RC3H2: variants seen among roughly 807,000 people sequenced by gnomAD.
RC3H2 encodes ring finger and CCCH-type domains 2, also known as roquin-2.
RC3H2 carries 31 observed loss-of-function variants against 133.3 expected under a neutral mutation model. That is an observed-to-expected ratio of 0.23 (90% confidence interval 0.17 to 0.31). The LOEUF is 0.31. RC3H2 is among the 10% of genes least tolerant of loss of function. The pLI is 1.00. For synonymous variants in RC3H2, 517 were observed against 502.2 expected (o/e 1.03, Z -0.40); for missense variants, 1,175 against 1,437.2 (o/e 0.82, Z 2.95).
rs1320456995 is a variant in RC3H2 at position 122,847,144 on chromosome 9, T to C, written c.*2483A>G. ...CCAATAAGGTTGGCAGGTATATACA[T>C]ATACTGATGCAAATGTAATTTCACT... On this transcript the variant is annotated 3_prime_UTR_variant, in exon 21 of 21. Transcript: ENST00000357244. 6.6e-6 allele frequency: 1 copy of C among 152,136 alleles called. No homozygotes were observed. The highest frequency in any genetic ancestry group is 1.5e-5 in the Non-Finnish European group (1 of 67,994). The allele number at this position is 152,136 out of a possible 1,614,324, so 9.4% of individuals were successfully genotyped here.
At chr9:122,850,457 T>TAGATAGATAGATAGATA (rs936312290) in intron 20 of RC3H2, among the ~76,000 whole-genome samples, 7 of 151,980 alleles carry the variant, frequency 4.6e-5, no homozygotes, top group Admixed American at 1.3e-4. Context: ...GATAGATAGA[T>TAGATAGATAGATAGATA]AATTTTGAGA....
chr9:122,869,771 T>C (rs1010943769), intron 9 of RC3H2, among the ~76,000 whole-genome samples: 2 of 152,108 alleles, frequency 1.3e-5, no homozygotes, highest in Admixed American at 6.5e-5. Flanking sequence ...GGTTTCATCA[T>C]GTTGGCCAAG....
intron 10 of RC3H2, among the ~76,000 whole-genome samples, chr9:122,864,575 A>T (rs992452608): frequency 1.3e-5 from 2 of 152,038 alleles, no homozygotes; most frequent in African/African-American, 4.8e-5. Context: ...CTGGGAAACC[A>T]TGAGCCAGAA....
chr9:122,863,359 C>T (rs937629676), intron 10 of RC3H2, among the ~76,000 whole-genome samples: 4 of 152,178 alleles, frequency 2.6e-5, no homozygotes, highest in Admixed American at 2.0e-4. Flanking sequence ...TACATAAGGT[C>T]TCCATAATCT....
At chr9:122,903,200 G>T (rs1267419767) in intron 1 of RC3H2, among the ~76,000 whole-genome samples, 2 of 152,330 alleles carry the variant, frequency 1.3e-5, no homozygotes, top group East Asian at 3.9e-4. Context: ...TAGAGACGCT[G>T]ATCATAACAT....
rs553318499 is a variant in RC3H2 at position 122,851,816 on chromosome 9, T to C, written c.3118-380A>G. Among the ~76,000 whole-genome samples the C allele has an allele frequency of 1.8e-4, 28 of 152,356 alleles. 1 individual carries two copies. The Middle Eastern group carries it at 0.01, about 56-fold the overall frequency. On this transcript the variant is annotated intron_variant, in intron 18 of 20. Coordinates refer to ENST00000357244, the MANE Select transcript of RC3H2 (RefSeq NM_001100588.3). ...ACTCAGTGCTCAATGGCGCCCAGGC[T>C]GGAGTGCAGTGGCGTGATCTCGGCT...
At chr9:122,880,286 C>A in intron 6 of RC3H2, 161 bp from the exon 7 acceptor site, 3 of 891,946 alleles carry the variant, frequency 3.4e-6, no homozygotes, top group Non-Finnish European at 5.6e-6. Flanking sequence ...AGAATCTGCC[C>A]TATGAAATTC....
intron 18 of RC3H2, among the ~76,000 whole-genome samples, chr9:122,852,756 G>T (rs1194003707): frequency 6.7e-6 from 1 of 149,642 alleles, no homozygotes; most frequent in African/African-American, 2.5e-5. Context: ...CGGGAGGGAG[G>T]TGGGGGGGTC....
In RC3H2 at chr9:122,849,464, T is replaced by TG. The variant is rs1360727996; in HGVS notation, c.*162dup. On this transcript the variant is annotated 3_prime_UTR_variant, in exon 21 of 21. Coordinates refer to ENST00000357244, the MANE Select transcript of RC3H2 (RefSeq NM_001100588.3). ...TTCTTTTTTTTTTTCATAATGCTAA[T>TG]GCAAGAGGGCTTGAAGTATCAAAGA... is the stretch of plus-strand genomic sequence containing the variant. 4.6e-6 allele frequency: 1 copy of TG among 217,302 alleles called. No homozygotes were observed. The highest frequency in any genetic ancestry group is 8.7e-6 in the Non-Finnish European group (1 of 115,502). 13.5% of individuals were successfully genotyped at this position (217,302 alleles called of 1,614,324 possible). A position where few individuals can be genotyped will look rare whatever the true frequency, so the allele number is the denominator to read the frequency against.
intron 5 of RC3H2, among the ~76,000 whole-genome samples, chr9:122,882,130 G>A (rs1831671918): frequency 6.6e-6 from 1 of 152,108 alleles, no homozygotes; most frequent in Admixed American, 6.5e-5. Context: ...TGCTACCAGA[G>A]AAATTATCAT....
intron 11 of RC3H2, 67 bp from the exon 12 acceptor site, chr9:122,859,169 A>G: frequency 7.8e-7 from 1 of 1,274,610 alleles, no homozygotes; most frequent in Non-Finnish European, 1.1e-6. Flanking sequence ...TAATGGCTTA[A>G]ATCTAAGGCA....
chr9:122,852,327 G>T (rs1830065117), intron 18 of RC3H2, among the ~76,000 whole-genome samples: 1 of 150,476 alleles, frequency 6.6e-6, no homozygotes, highest in Non-Finnish European at 1.5e-5. Context: ...GAAGTGAGGA[G>T]CCTCTCTGCC....
intron 8 of RC3H2, among the ~76,000 whole-genome samples, chr9:122,878,013 C>CA (rs1831413294): frequency 6.6e-6 from 1 of 151,686 alleles, no homozygotes; most frequent in African/African-American, 2.4e-5. Flanking sequence ...GAAAAATTAC[C>CA]AATTCACTTG....
chr9:122,883,813 C>G (rs1373757292), intron 4 of RC3H2, among the ~76,000 whole-genome samples: 1 of 151,878 alleles, frequency 6.6e-6, no homozygotes, highest in Admixed American at 6.6e-5. Context: ...GATACCCTGT[C>G]TCTACAAAAA....
rs556327732 is a variant in RC3H2 at position 122,848,733 on chromosome 9, C to G, written c.*894G>C. 6.6e-6 allele frequency: 1 copy of G among 152,228 alleles called. No homozygotes were observed. Among genetic ancestry groups the G allele is most frequent in the African/African-American group, 2.4e-5 (1 of 41,548 alleles). The allele number at this position is 152,228 out of a possible 1,614,324, so 9.4% of individuals were successfully genotyped here. A position where few individuals can be genotyped will look rare whatever the true frequency, so the allele number is the denominator to read the frequency against. On this transcript the variant is annotated 3_prime_UTR_variant, in exon 21 of 21. Transcript: ENST00000357244. ...GTTTTCTCAAGAAAGCTGAAAGCACCTGATTCTTTTGCCAAGTCATCAGAT... is the reference window on the plus strand; with the variant it reads ...GTTTTCTCAAGAAAGCTGAAAGCACGTGATTCTTTTGCCAAGTCATCAGAT...
chr9:122,858,086 C>T lies in RC3H2; in HGVS notation c.2291G>A (p.Cys764Tyr), dbSNP rs148562505. 58 of 1,613,984 alleles carry T rather than the reference C, an allele frequency of 3.6e-5. No homozygotes were observed. The highest frequency in any genetic ancestry group is 1.6e-4 in the Middle Eastern group (1 of 6,062). ...CTCGCAACTGGTCTTCAAATGACCA[C>T]AAGGTTCCTAATGGGGGATAAAAGA... Reference protein sequence around the residue: ...RTTVPLPREPCGHLKTSCEEQ... With the variant: ...RTTVPLPREPYGHLKTSCEEQ... Residue 764 changes from cysteine (C) to tyrosine (Y), a missense_variant, in exon 13 of 21, where the codon TGT becomes TAT. Cys to Tyr is a radical substitution (Grantham distance 194, BLOSUM62 -2). This residue lies in a region of RC3H2 where 490 missense variants were observed against 492.8 expected (regional missense o/e 0.99). Coordinates refer to ENST00000357244, the MANE Select transcript of RC3H2 (RefSeq NM_001100588.3).
chr9:122,853,774 T>C (rs547244170), intron 18 of RC3H2, 178 bp downstream of exon 18: 194 of 1,438,528 alleles, frequency 1.3e-4, no homozygotes, highest in Non-Finnish European at 1.7e-4. Context: ...GATGATCTAG[T>C]TAAAGAATTA....
At chr9:122,886,507 G>A (rs1158888442) in intron 4 of RC3H2, among the ~76,000 whole-genome samples, 1 of 152,046 alleles carries the variant, frequency 6.6e-6, no homozygotes, top group African/African-American at 2.4e-5. Context: ...ACCATTTTAC[G>A]TGCCCACATT....
intron 1 of RC3H2, 105 bp downstream of exon 1, chr9:122,905,005 C>A: frequency 1.2e-6 from 1 of 813,104 alleles, no homozygotes; most frequent in Non-Finnish European, 1.5e-6. Context: ...GCACCAGGGG[C>A]GACAGCGCAC....
Sources: allele counts gnomAD v4.1 joint callset (sites outside exome capture counted in the v4.1 genomes callset), GRCh38; gene constraint gnomAD v4.1.1; regional missense constraint gnomAD v4.1.1; transcripts MANE v1.5; gene names NCBI Gene and HGNC (gene_info 2026-07-23, HGNC 2026-07-21).